The following DYNLRB1 variants were observed in gnomAD, a reference collection of about 807,000 sequenced individuals.
DYNLRB1 encodes ROBL/LC7-like 1.
A neutral mutation model predicts 13.5 loss-of-function variants in DYNLRB1; 6 were observed. That is an observed-to-expected ratio of 0.44 (90% CI 0.24 to 0.88). DYNLRB1 has a LOEUF of 0.88. Ranked by LOEUF, DYNLRB1 falls within the 40% of genes least tolerant of loss-of-function variation. The probability of loss-of-function intolerance (pLI) is 0.21; values close to 1 mark genes in which losing one functional copy is unlikely to be tolerated. For missense variants in DYNLRB1, 93 were observed against 127.2 expected, an observed-to-expected ratio of 0.73 and a Z score of 1.29; for synonymous variants, 43 against 45.0, an observed-to-expected ratio of 0.96 and a Z score of 0.18.
intron 2 of DYNLRB1, chr20:34,530,399 A>G (rs1349020724): frequency 1.7e-6 from 1 of 591,772 alleles, no homozygotes; most frequent in Non-Finnish European, 2.1e-6. Context: ...TCATTTGTAA[A>G]ATGTGGGTCA....
chr20:34,539,074 A>G (rs1468622733), intron 3 of DYNLRB1, among the ~76,000 whole-genome samples: 2 of 152,230 alleles, frequency 1.3e-5, no homozygotes, highest in Non-Finnish European at 2.9e-5. Context: ...CTGCATATAT[A>G]AAAATCACTA....
intron 3 of DYNLRB1, chr20:34,536,111 GAGAAGAACATA>G: frequency 1.0e-6 from 1 of 985,440 alleles, no homozygotes; most frequent in African/African-American, 1.7e-5. Flanking sequence ...TTCAGTCACA[GAGAAGAACATA>G]AGAATAACTC....
intron 1 of DYNLRB1, among the ~76,000 whole-genome samples, chr20:34,522,686 C>G (rs1050570237): frequency 2.6e-5 from 4 of 152,112 alleles, no homozygotes; most frequent in Admixed American, 2.6e-4. Flanking sequence ...GTTGCCCAGG[C>G]TGGTCTCAAA....
chr20:34,531,108 G>A (rs771761210), intron 2 of DYNLRB1: 3 of 152,270 alleles, frequency 2.0e-5, no homozygotes, highest in African/African-American at 4.8e-5. Flanking sequence ...AGGCTTAAAT[G>A]TGTAAGTCCC....
At chr20:34,528,551 G>T (rs1336681665) in intron 2 of DYNLRB1, among the ~76,000 whole-genome samples, 1 of 152,170 alleles carries the variant, frequency 6.6e-6, no homozygotes, top group East Asian at 1.9e-4. Flanking sequence ...ACCACAGTGG[G>T]TGTTGCCATC....
intron 3 of DYNLRB1, among the ~76,000 whole-genome samples, chr20:34,538,776 T>C (rs936491996): frequency 6.6e-6 from 1 of 152,240 alleles, no homozygotes; most frequent in African/African-American, 2.4e-5. Context: ...GCTTTAGGCT[T>C]GGCTCTGAAC....
chr20:34,519,623 A>G (rs1232861148), intron 1 of DYNLRB1, among the ~76,000 whole-genome samples: 1 of 152,148 alleles, frequency 6.6e-6, no homozygotes, highest in African/African-American at 2.4e-5. Context: ...ATGCAGGTCC[A>G]CTTCATTCTT....
intron 3 of DYNLRB1, 115 bp downstream of exon 3, chr20:34,534,910 G>A (rs1981021507): frequency 2.6e-6 from 4 of 1,558,538 alleles, no homozygotes; most frequent in Non-Finnish European, 3.5e-6. Context: ...GGCCCGAGGA[G>A]TTGAAGGAAT....
chr20:34,530,031 C>CT (rs2146638353), intron 2 of DYNLRB1: 1 of 1,254,896 alleles, frequency 8.0e-7, no homozygotes, highest in East Asian at 3.1e-5. Flanking sequence ...ACCTGAAAGA[C>CT]TTTTGTCACT....
At chr20:34,532,492 T>G (rs531840575) in intron 2 of DYNLRB1, among the ~76,000 whole-genome samples, 31 of 152,204 alleles carry the variant, frequency 2.0e-4, no homozygotes, top group Non-Finnish European at 3.4e-4. Flanking sequence ...ACTGGCCCAG[T>G]CTTGTTTTCT....
chr20:34,533,478 T>C, intron 2 of DYNLRB1: 2 of 985,460 alleles, frequency 2.0e-6, no homozygotes, highest in South Asian at 9.4e-5. Flanking sequence ...GAAATCATGA[T>C]GGTTATGTCC....
At chr20:34,516,513 A>G in intron 1 of DYNLRB1, 52 bp downstream of exon 1, 1 of 1,607,338 alleles carries the variant, frequency 6.2e-7, no homozygotes, top group South Asian at 1.1e-5. Context: ...ACCCCACGCC[A>G]GGCCTTCAGT....
chr20:34,516,553 C>T, intron 1 of DYNLRB1, 92 bp downstream of exon 1: 7 of 1,579,874 alleles, frequency 4.4e-6, no homozygotes, highest in East Asian at 2.3e-5. Context: ...CTCAGAGCTC[C>T]GGACAGGGAA....
At chr20:34,525,501 C>T (rs570819964) in intron 1 of DYNLRB1, among the ~76,000 whole-genome samples, 2 of 152,046 alleles carry the variant, frequency 1.3e-5, no homozygotes, top group East Asian at 1.9e-4. Context: ...AAAGGCTTCG[C>T]GGAGGAGATG....
At chr20:34,527,552 T>C (rs979770881) in intron 2 of DYNLRB1, among the ~76,000 whole-genome samples, 1 of 152,206 alleles carries the variant, frequency 6.6e-6, no homozygotes, top group African/African-American at 2.4e-5. Flanking sequence ...TAGGCCACAG[T>C]GTTTCCCACA....
At chr20:34,529,820 C>T in intron 2 of DYNLRB1, 2 of 1,466,594 alleles carry the variant, frequency 1.4e-6, no homozygotes, top group Non-Finnish European at 1.8e-6. Context: ...CTGTCTAGTT[C>T]TGATTAAACC....
intron 3 of DYNLRB1, chr20:34,535,568 G>A: frequency 1.1e-6 from 1 of 900,874 alleles, no homozygotes. Flanking sequence ...CATGGACTGG[G>A]GTGGCAGGCA....
At chr20:34,515,896 T>A (rs1851328382), upstream of DYNLRB1, among the ~76,000 whole-genome samples, 1 of 151,960 alleles carries the variant, frequency 6.6e-6, no homozygotes. Flanking sequence ...GCATGGTTTT[T>A]GTTTTGTTTT....
intron 2 of DYNLRB1, chr20:34,529,942 C>CT: frequency 1.4e-6 from 2 of 1,439,494 alleles, no homozygotes; most frequent in Non-Finnish European, 1.8e-6. Flanking sequence ...GAGGCAACTC[C>CT]TTTCCCCGCT....
Sources: gnomAD v4.1 joint callset for allele counts (sites outside exome capture counted in the v4.1 genomes callset) on GRCh38, gnomAD v4.1.1 for gene constraint, MANE v1.5 for transcripts, NCBI Gene and HGNC (gene_info 2026-07-23, HGNC 2026-07-21) for gene names.